Variants in SPHKAP observed in about 807,000 individuals in gnomAD.
SPHKAP encodes SPHK1 interactor, AKAP domain containing.
In SPHKAP, 67 loss-of-function variants were observed where a neutral mutation model predicts 137.5. The observed-to-expected ratio is 0.49, with a 90% CI of 0.40 to 0.60. The LOEUF (loss-of-function observed/expected upper bound fraction) is 0.60, where lower values mean the gene tolerates loss of function less well. SPHKAP is among the 20% of genes least tolerant of loss of function. The pLI, the probability that SPHKAP is intolerant of heterozygous loss-of-function variation, is 0.00. For synonymous variants in SPHKAP, 813 were observed against 785.3 expected (o/e 1.04, Z -0.59); for missense variants, 2,097 against 2,069.3 (o/e 1.01, Z -0.26).
intron 3 of SPHKAP, among the ~76,000 whole-genome samples, chr2:228,098,914 A>G (rs1162236413): frequency 1.3e-5 from 2 of 151,814 alleles, no homozygotes; most frequent in Non-Finnish European, 2.9e-5. Flanking sequence ...TAAGTTCCTT[A>G]TAGATTCTGA....
At chr2:227,986,552 C>T (rs1461398886) in intron 11 of SPHKAP, among the ~76,000 whole-genome samples, 1 of 152,148 alleles carries the variant, frequency 6.6e-6, no homozygotes, top group Admixed American at 6.5e-5. Context: ...ACCACCTGTT[C>T]CCCAAAAACC....
intron 3 of SPHKAP, among the ~76,000 whole-genome samples, chr2:228,076,485 G>A (rs1322337649): frequency 1.3e-5 from 2 of 152,192 alleles, no homozygotes; most frequent in African/African-American, 4.8e-5. Flanking sequence ...CCAGGCTGAG[G>A]TGGTTTCAGG....
intron 11 of SPHKAP, among the ~76,000 whole-genome samples, chr2:227,988,444 A>G (rs1693294527): frequency 2.0e-5 from 3 of 152,352 alleles, no homozygotes; most frequent in Admixed American, 6.5e-5. Flanking sequence ...CTCTTTGAGA[A>G]TCGAAAATCA....
At chr2:228,045,588 G>A (rs558078365) in intron 3 of SPHKAP, among the ~76,000 whole-genome samples, 76 of 151,960 alleles carry the variant, frequency 5.0e-4, no homozygotes, top group Non-Finnish European at 8.4e-4. Context: ...TCACACAGCG[G>A]GGACTGTTGC....
Position 228,021,726 on chromosome 2 carries a change from C to A in SPHKAP, c.682G>T (p.Asp228Tyr), listed in dbSNP as rs764692127. 36 of 1,612,726 alleles carry A rather than the reference C, an allele frequency of 2.2e-5. No homozygotes were observed. In the East Asian group the frequency reaches 8.0e-4, roughly 36 times the overall value. The change falls in exon 6 of 12, where the codon GAT becomes TAT. Residue 228 changes from aspartate to tyrosine, a missense_variant. Coordinates refer to ENST00000392056, the MANE Select transcript of SPHKAP (RefSeq NM_001142644.2). ...SEHLEEESEV[D>Y]ESRNDYENIN... ...AAGTTCTCACCGTTCCTAGATTCAT[C>A]CACCTCGCTTTCCTCCTCCAAGTGC...
intron 4 of SPHKAP, among the ~76,000 whole-genome samples, chr2:228,027,061 G>T (rs1186873555): frequency 1.3e-5 from 2 of 152,168 alleles, no homozygotes; most frequent in African/African-American, 4.8e-5. Context: ...CACTGCCTTG[G>T]ATGCACTTGG....
Position 228,169,263 on chromosome 2 carries a change from A to G in SPHKAP, c.32+12304T>C, listed in dbSNP as rs151238688. ...AACAGATTTTCAATGTAAATGAAAA[A>G]TCCTTACATTAGAACAAGATGCCAT... On this transcript the variant is annotated intron_variant, in intron 1 of 11. Coordinates refer to ENST00000392056, the MANE Select transcript of SPHKAP (RefSeq NM_001142644.2). Among the ~76,000 whole-genome samples, 1,031 of 152,278 alleles carry G rather than the reference A, an allele frequency of 6.8e-3. 16 individuals carry two copies. Among genetic ancestry groups the G allele is most frequent in the African/African-American group, 0.023 (962 of 41,568 alleles).
chr2:228,174,653 A>T (rs1238521159), intron 1 of SPHKAP, among the ~76,000 whole-genome samples: 1 of 152,200 alleles, frequency 6.6e-6, no homozygotes, highest in Non-Finnish European at 1.5e-5. Flanking sequence ...TTTCAACAAA[A>T]AATTACCAGC....
chr2:228,085,943 G>T (rs1697524174), intron 3 of SPHKAP, among the ~76,000 whole-genome samples: 1 of 152,074 alleles, frequency 6.6e-6, no homozygotes, highest in Non-Finnish European at 1.5e-5. Flanking sequence ...TCCTCAATGA[G>T]GCTAAATGCT....
chr2:228,026,302 G>GAAT (rs1695033491), intron 4 of SPHKAP, among the ~76,000 whole-genome samples: 1 of 152,066 alleles, frequency 6.6e-6, no homozygotes, highest in African/African-American at 2.4e-5. Context: ...TTCTAATTGT[G>GAAT]AATAATAATA....
Position 228,018,946 on chromosome 2 carries a change from A to G in SPHKAP, c.1908T>C (p.Ile636=). 1 of 1,614,212 alleles carries G rather than the reference A, an allele frequency of 6.2e-7. No homozygotes were observed. The highest frequency in any genetic ancestry group is 8.5e-7 in the Non-Finnish European group (1 of 1,180,016). ...VLTRPNTYSS[I]GDFLDSMNRR... ...TGTTCATGGAGTCCAGAAAGTCTCC[A>G]ATGCTGCTGTAGGTATTAGGCCTTG... Residue 636 remains isoleucine, a synonymous_variant, in exon 7 of 12, where the codon ATT becomes ATC. Transcript: ENST00000392056.
chr2:228,056,015 T>A (rs1033925149), intron 3 of SPHKAP, among the ~76,000 whole-genome samples: 2 of 152,198 alleles, frequency 1.3e-5, no homozygotes, highest in Non-Finnish European at 2.9e-5. Context: ...CCATCTTCAA[T>A]GACAGGATGA....
chr2:228,020,893 TTGAGGGC>T (rs1439531469), intron 6 of SPHKAP, among the ~76,000 whole-genome samples: 1 of 152,086 alleles, frequency 6.6e-6, no homozygotes, highest in African/African-American at 2.4e-5. Context: ...TAGGAGATGT[TTGAGGGC>T]TGAGGGCTGC....
At chr2:228,027,645 T>C in intron 3 of SPHKAP, 102 bp from the exon 4 acceptor site, 2 of 1,145,606 alleles carry the variant, frequency 1.7e-6, no homozygotes, top group South Asian at 1.3e-5. Flanking sequence ...TTTGGGAGTC[T>C]TCCACATCTT....
chr2:228,093,166 A>G (rs1026312814), intron 3 of SPHKAP, among the ~76,000 whole-genome samples: 2 of 152,226 alleles, frequency 1.3e-5, no homozygotes, highest in African/African-American at 2.4e-5. Flanking sequence ...AAACCTTCCT[A>G]TACCACTAGT....
chr2:227,988,454 A>G (rs979434622), intron 11 of SPHKAP, among the ~76,000 whole-genome samples: 1 of 152,260 alleles, frequency 6.6e-6, no homozygotes, highest in Admixed American at 6.5e-5. Flanking sequence ...ATCGAAAATC[A>G]GGTCGGGATA....
rs1692967209 is a variant in SPHKAP, at chr2:227,980,804, T to C, written c.*913A>G. The C allele has an allele frequency of 1.3e-5, 2 of 152,212 alleles. No homozygotes were observed. The highest frequency in any genetic ancestry group is 4.8e-5 in the African/African-American group (2 of 41,458). The allele number at this position is 152,212 out of a possible 1,614,324, so 9.4% of individuals were successfully genotyped here. On this transcript the variant is annotated 3_prime_UTR_variant, in exon 12 of 12. Transcript: ENST00000392056. ...CAATATGTGACTTTAGACAACAATC[T>C]CTTCATATTTTAGGAAGCTTGAAGC...
intron 8 of SPHKAP, 91 bp from the exon 9 acceptor site, chr2:227,993,711 C>T: frequency 5.2e-6 from 6 of 1,143,302 alleles, no homozygotes; most frequent in Non-Finnish European, 6.4e-6. Flanking sequence ...AAGCTCCTTC[C>T]TTTGGTCCCC....
intron 3 of SPHKAP, among the ~76,000 whole-genome samples, chr2:228,076,750 A>T (rs1697195957): frequency 6.6e-6 from 1 of 152,228 alleles, no homozygotes; most frequent in Non-Finnish European, 1.5e-5. Context: ...CTGACAATGC[A>T]ATAGAAAAGA....
Sources: gnomAD v4.1 joint callset for allele counts (sites outside exome capture counted in the v4.1 genomes callset) on GRCh38, gnomAD v4.1.1 for gene constraint, MANE v1.5 for transcripts, NCBI Gene and HGNC (gene_info 2026-07-23, HGNC 2026-07-21) for gene names.